Variants in MIIP observed in about 807,000 individuals in gnomAD.
MIIP encodes migration and invasion inhibitory protein.
Under a neutral mutation model 44.8 loss-of-function variants are expected in MIIP, and 44 were observed. That is an observed-to-expected ratio of 0.98 (90% CI 0.77 to 1.26). MIIP has a LOEUF of 1.26. Among genes scored for constraint, MIIP ranks in the 50% most tolerant of loss-of-function variants. MIIP has a pLI of 0.00. For missense variants in MIIP, 496 were observed against 511.7 expected (o/e 0.97, Z 0.30); for synonymous variants, 225 against 218.3 (o/e 1.03, Z -0.27).
chr1:12,029,799 CCCGGTGCCTGTGG>C lies in MIIP; in HGVS notation c.751_763del (p.Pro251IlefsTer29), dbSNP rs776402361. On this transcript the variant is annotated frameshift_variant, in exon 7 of 10. Coordinates refer to ENST00000235332, the MANE Select transcript of MIIP (RefSeq NM_021933.4). LOFTEE classifies it high-confidence loss of function. Reference sequence around the variant, plus strand: ...GTTACCGTGTCAACCGGCGCCTGTTCCCGGTGCCTGTGGATCCCGGTACCCCCTGCCGCCTGTG... The same window carrying C: ...GTTACCGTGTCAACCGGCGCCTGTTCATCCCGGTACCCCCTGCCGCCTGTG... 2 of 1,613,312 alleles carry C rather than the reference CCCGGTGCCTGTGG, an allele frequency of 1.2e-6. No homozygotes were observed. Among genetic ancestry groups the C allele is most frequent in the Non-Finnish European group, 1.7e-6 (2 of 1,179,524 alleles).
chr1:12,027,827 T>A (rs1640135280), intron 4 of MIIP, among the ~76,000 whole-genome samples: 1 of 152,234 alleles, frequency 6.6e-6, no homozygotes, highest in Non-Finnish European at 1.5e-5. Flanking sequence ...CCTGTCTCCA[T>A]AAATGGCAAC....
intron 9 of MIIP, 62 bp from the exon 10 acceptor site, chr1:12,031,660 G>A (rs1640245466): frequency 1.2e-6 from 2 of 1,613,654 alleles, no homozygotes; most frequent in African/African-American, 1.3e-5. Context: ...AATGTGGCTG[G>A]AACTGGGGAT....
At chr1:12,027,222 C>G (rs1453498461) in intron 4 of MIIP, among the ~76,000 whole-genome samples, 1 of 152,144 alleles carries the variant, frequency 6.6e-6, no homozygotes, top group East Asian at 1.9e-4. Flanking sequence ...CTTGGCCAGT[C>G]TGGTCTGGAA....
chr1:12,029,348 C>A, intron 6 of MIIP, 67 bp downstream of exon 6: 2 of 1,502,652 alleles, frequency 1.3e-6, no homozygotes, highest in South Asian at 1.2e-5. Context: ...CTCCCCTGCC[C>A]CAGAGCAGTC....
In MIIP at chr1:12,028,970, G is replaced by A. The variant is rs577823808; in HGVS notation, c.548-63G>A. 2.8e-4 allele frequency: 389 copies of A among 1,368,138 alleles called. 8 individuals carry two copies. In the South Asian group the frequency reaches 4.2e-3, roughly 15 times the overall value. 84.7% of individuals were successfully genotyped at this position (1,368,138 alleles called of 1,614,324 possible). On this transcript the variant is annotated intron_variant, in intron 4 of 9. Transcript: ENST00000235332. ...CTGATCGTCTCTCCAAGCCTTGGCCGGTGGCCACACAGCAGCCCCCAGCCC... is the reference window on the plus strand; with the variant it reads ...CTGATCGTCTCTCCAAGCCTTGGCCAGTGGCCACACAGCAGCCCCCAGCCC...
At chr1:12,020,965 C>T (rs1639961209) in intron 1 of MIIP, among the ~76,000 whole-genome samples, 1 of 152,164 alleles carries the variant, frequency 6.6e-6, no homozygotes, top group South Asian at 2.1e-4. Flanking sequence ...GGATTACAGA[C>T]GTGAGCCACT....
Position 12,031,861 on chromosome 1 carries a change from C to A in MIIP, c.*53C>A. 6.5e-7 allele frequency: 1 copy of A among 1,541,718 alleles called. No homozygotes were observed. The highest frequency in any genetic ancestry group is 8.9e-7 in the Non-Finnish European group (1 of 1,120,126). ...TCCCGCCGCCTCCAGCCTCTCCCCT[C>A]TGGCAGGCGCACCCAGGAGATGGAA... On this transcript the variant is annotated 3_prime_UTR_variant, in exon 10 of 10. Coordinates refer to ENST00000235332, the MANE Select transcript of MIIP (RefSeq NM_021933.4).
intron 4 of MIIP, among the ~76,000 whole-genome samples, chr1:12,023,381 C>T (rs148570463): frequency 2.3e-4 from 32 of 140,090 alleles, no homozygotes; most frequent in African/African-American, 5.7e-4. Context: ...TCTTTGTTTT[C>T]TTATTTATTT....
At chr1:12,023,692 C>A (rs933537017) in intron 4 of MIIP, among the ~76,000 whole-genome samples, 1 of 92,074 alleles carries the variant, frequency 1.1e-5, no homozygotes, top group African/African-American at 4.0e-5. Context: ...TTTTTTTTTT[C>A]TTTGCTTTTT....
Position 12,028,835 on chromosome 1 carries a change from A to ATGTCAGTG in MIIP, c.548-197_548-196insGTCAGTGT, listed in dbSNP as rs1640159661. On this transcript the variant is annotated intron_variant, in intron 4 of 9. Coordinates refer to ENST00000235332, the MANE Select transcript of MIIP (RefSeq NM_021933.4). ...TTTTTCCATGGATGGTTGGCTATGC[A>ATGTCAGTG]TCAGGGTAGACAGACACTGAAACCA... 14 of 589,550 alleles carry ATGTCAGTG rather than the reference A, an allele frequency of 2.4e-5. No individual in the cohort carries two copies. In the South Asian group the frequency reaches 2.8e-4, roughly 12 times the overall value. The allele number at this position is 589,550 out of a possible 1,614,324, so 36.5% of individuals were successfully genotyped here.
rs746180536 is a variant in MIIP, at chr1:12,031,420, A to T, written c.1080+17A>T. ...TTTCACCCGGTACGGTCCAGATCGC[A>T]TCCTAGCCTGGGGTGCCCCCTAGAG... On this transcript the variant is annotated intron_variant, in intron 9 of 9. Transcript: ENST00000235332. 6.2e-7 allele frequency: 1 copy of T among 1,609,074 alleles called. No individual in the cohort carries two copies. Among genetic ancestry groups the T allele is most frequent in the Non-Finnish European group, 8.5e-7 (1 of 1,177,050 alleles).
In MIIP at chr1:12,031,894, C is replaced by G; in HGVS notation, c.*86C>G. On this transcript the variant is annotated 3_prime_UTR_variant, in exon 10 of 10. Transcript: ENST00000235332. The stretch of plus-strand genomic sequence containing the variant: ...CGCACCCAGGAGATGGAATCCCCTG[C>G]CCGCCCAGCTCAGGCCCAGCTGTCC... 1 of 1,347,344 alleles carries G rather than the reference C, an allele frequency of 7.4e-7. No homozygotes were observed. Among genetic ancestry groups the G allele is most frequent in the Non-Finnish European group, 1.0e-6 (1 of 959,916 alleles). 83.5% of individuals were successfully genotyped at this position (1,347,344 alleles called of 1,614,324 possible).
chr1:12,021,387 C>T (rs1639970926), intron 1 of MIIP, among the ~76,000 whole-genome samples: 1 of 150,632 alleles, frequency 6.6e-6, no homozygotes, highest in African/African-American at 2.4e-5. Flanking sequence ...GAGCAAGACT[C>T]CATCTCAAAA....
chr1:12,030,214 G>C (rs1640207372), intron 8 of MIIP, 90 bp downstream of exon 8: 28 of 1,266,078 alleles, frequency 2.2e-5, no homozygotes, highest in Non-Finnish European at 3.1e-5. Flanking sequence ...AGCGAGACTG[G>C]GCTCGACAAG....
Position 12,021,793 on chromosome 1 carries a change from G to A in MIIP, c.67G>A (p.Val23Met). 1.2e-6 allele frequency: 2 copies of A among 1,612,802 alleles called. No homozygotes were observed. The highest frequency in any genetic ancestry group is 1.7e-6 in the Non-Finnish European group (2 of 1,179,970). The change falls in exon 2 of 10, where the codon GTG becomes ATG. Residue 23 changes from valine to methionine, a missense_variant. By Grantham distance (21) the Val-to-Met change is conservative. Transcript: ENST00000235332. The part of the protein sequence containing the change: ...LNLELLRQLW[V>M]GQDAVRRSVA... ...TCTGGAGCTCCTGAGGCAGCTGTGG[G>A]TGGGGCAGGATGCTGTGCGGCGGTC... is the stretch of plus-strand genomic sequence containing the variant.
chr1:12,021,925 A>G, intron 2 of MIIP, 85 bp downstream of exon 2: 4 of 1,293,524 alleles, frequency 3.1e-6, no homozygotes, highest in South Asian at 2.9e-5. Context: ...ATCTTGTTCA[A>G]TACACCCATT....
chr1:12,029,297 C>T lies in MIIP; in HGVS notation c.715+16C>T, dbSNP rs775716183. ...GACCATGAATGTGAGTGCGGGCCCT[C>T]GGCTAGGCCGCTGAGTAGTCCAGCC... is the stretch of plus-strand genomic sequence containing the variant. On this transcript the variant is annotated intron_variant, in intron 6 of 9. Coordinates refer to ENST00000235332, the MANE Select transcript of MIIP (RefSeq NM_021933.4). The T allele has an allele frequency of 2.8e-5, 45 of 1,610,452 alleles. No homozygotes were observed. The Middle Eastern group carries it at 5.1e-4, about 18-fold the overall frequency.
chr1:12,029,350 A>G (rs2100906494), intron 6 of MIIP, 69 bp downstream of exon 6: 1 of 1,503,778 alleles, frequency 6.6e-7, no homozygotes, highest in Non-Finnish European at 9.1e-7. Flanking sequence ...CCCCTGCCCC[A>G]GAGCAGTCCC....
intron 4 of MIIP, chr1:12,028,702 T>A: frequency 4.3e-6 from 1 of 234,708 alleles, no homozygotes; most frequent in Non-Finnish European, 8.4e-6. Flanking sequence ...GGCTAGTTCA[T>A]CTCTTGCCAC....
Sources: gnomAD v4.1 joint callset for allele counts (sites outside exome capture counted in the v4.1 genomes callset) on GRCh38, gnomAD v4.1.1 for gene constraint, MANE v1.5 for transcripts, NCBI Gene and HGNC (gene_info 2026-07-23, HGNC 2026-07-21) for gene names.